The following TENM1 variants were observed in gnomAD, a reference collection of about 807,000 sequenced individuals.
TENM1 encodes teneurin-1.
In TENM1, 35 loss-of-function variants were observed where a neutral mutation model predicts 174.8. The observed-to-expected ratio is 0.20, with a 90% CI of 0.15 to 0.27. TENM1 has a LOEUF of 0.27. TENM1 is among the 10% of genes least tolerant of loss of function. TENM1 has a pLI of 1.00. For synonymous variants in TENM1, 781 were observed against 798.7 expected (o/e 0.98, Z 0.37); for missense variants, 1,633 against 2,130.1 (o/e 0.77, Z 4.59).
chrX:124,614,853 A>C (rs2148314717), intron 11 of TENM1, among the ~76,000 whole-genome samples: 1 of 112,139 alleles, frequency 8.9e-6, no homozygotes, highest in African/African-American at 3.2e-5. Context: ...AATGCACTCC[A>C]CCCTGGGTGA....
At chrX:124,706,972 C>T (rs1045764294) in intron 4 of TENM1, among the ~76,000 whole-genome samples, 1 of 90,773 alleles carries the variant, frequency 1.1e-5, no homozygotes, top group African/African-American at 4.3e-5. Flanking sequence ...TTTTTTGAGA[C>T]GGAGTCTCGC....
At chrX:124,580,291 T>C (rs2049270076) in intron 11 of TENM1, among the ~76,000 whole-genome samples, 1 of 111,179 alleles carries the variant, frequency 9.0e-6, no homozygotes, top group Non-Finnish European at 1.9e-5. Context: ...AAGGAGATCC[T>C]GCCATTTGCT....
At chrX:124,537,354 A>G (rs1408309663) in intron 15 of TENM1, among the ~76,000 whole-genome samples, 1 of 111,363 alleles carries the variant, frequency 9.0e-6, no homozygotes, top group Non-Finnish European at 1.9e-5. Context: ...TCCTTACCTT[A>G]TTTCATTTAA....
intron 11 of TENM1, among the ~76,000 whole-genome samples, chrX:124,585,128 G>A (rs1462607798): frequency 3.6e-5 from 4 of 110,526 alleles, no homozygotes; most frequent in Non-Finnish European, 7.6e-5. Flanking sequence ...ACAGATCAAC[G>A]AGACAGAAAG....
chrX:124,755,456 T>G (rs1282805484), intron 3 of TENM1, among the ~76,000 whole-genome samples: 1 of 111,220 alleles, frequency 9.0e-6, no homozygotes, highest in East Asian at 2.8e-4. Context: ...TGCCAGTCTG[T>G]GTCTTTTAGT....
chrX:124,997,254 G>A, the TENM1 span, among the ~76,000 whole-genome samples: 1 of 111,610 alleles, frequency 9.0e-6, no homozygotes, highest in Non-Finnish European at 1.9e-5. Context: ...CATGTCTATG[G>A]CCCTGAGATA....
At chrX:124,541,759 T>C (rs2048325287) in intron 15 of TENM1, among the ~76,000 whole-genome samples, 2 of 111,955 alleles carry the variant, frequency 1.8e-5, no homozygotes, top group African/African-American at 6.5e-5. Context: ...GTATCATAGA[T>C]TAAAGGTGGC....
chrX:124,433,949 T>C (rs1254600465), intron 23 of TENM1, among the ~76,000 whole-genome samples: 1 of 112,039 alleles, frequency 8.9e-6, no homozygotes, highest in Non-Finnish European at 1.9e-5. Context: ...GTCCATGGTG[T>C]CTTAGAATTT....
the TENM1 span, among the ~76,000 whole-genome samples, chrX:125,064,763 C>T: frequency 6.3e-5 from 7 of 110,393 alleles, no homozygotes; most frequent in South Asian, 3.9e-4. Flanking sequence ...CCCACCACCG[C>T]GCCTGGCTAA....
chrX:124,913,222 A>G (rs772241445), intron 1 of TENM1, among the ~76,000 whole-genome samples: 1 of 111,393 alleles, frequency 9.0e-6, no homozygotes, highest in African/African-American at 3.3e-5. Flanking sequence ...TACAAATATA[A>G]AGAAAAAAAC....
At chrX:124,819,202 C>T (rs1199035732) in intron 3 of TENM1, among the ~76,000 whole-genome samples, 3 of 111,828 alleles carry the variant, frequency 2.7e-5, no homozygotes, top group Admixed American at 9.5e-5. Context: ...TATTGAAATT[C>T]ATCTGAATTT....
At chrX:124,636,656 T>C (rs1299569936) in intron 11 of TENM1, among the ~76,000 whole-genome samples, 1 of 112,061 alleles carries the variant, frequency 8.9e-6, no homozygotes, top group Admixed American at 9.5e-5. Context: ...GAGTAGGGCC[T>C]GAGGGCTGAA....
chrX:125,141,704 G>T, the TENM1 span, among the ~76,000 whole-genome samples: 1 of 111,698 alleles, frequency 9.0e-6, no homozygotes, highest in Non-Finnish European at 1.9e-5. Flanking sequence ...AAGGGGCACA[G>T]ATATAGTGGT....
At chrX:124,402,862 G>T (rs1462707375) in intron 27 of TENM1, among the ~76,000 whole-genome samples, 1 of 109,161 alleles carries the variant, frequency 9.2e-6, no homozygotes, top group Non-Finnish European at 1.9e-5. Flanking sequence ...TATTTTACAG[G>T]TGAAAAAAAA....
intron 11 of TENM1, among the ~76,000 whole-genome samples, chrX:124,565,779 C>G (rs778083065): frequency 9.0e-6 from 1 of 111,390 alleles, no homozygotes; most frequent in South Asian, 3.8e-4. Flanking sequence ...GCTGGGATTA[C>G]AGATGTGAGC....
chrX:124,746,484 T>A (rs2053922284), intron 3 of TENM1, among the ~76,000 whole-genome samples: 1 of 111,975 alleles, frequency 8.9e-6, no homozygotes, highest in African/African-American at 3.2e-5. Flanking sequence ...TTGCTTATGC[T>A]AAGCTATGCA....
chrX:124,786,181 T>A, intron 3 of TENM1, among the ~76,000 whole-genome samples: 2 of 111,626 alleles, frequency 1.8e-5, no homozygotes, highest in African/African-American at 6.5e-5. Context: ...ATATTCTCTA[T>A]CTTAACCATG....
chrX:124,442,917 G>A (rs2060919469), intron 23 of TENM1, among the ~76,000 whole-genome samples: 1 of 110,530 alleles, frequency 9.0e-6, no homozygotes. Flanking sequence ...GCCCACCTCA[G>A]CCTCTGAAAG....
intron 11 of TENM1, among the ~76,000 whole-genome samples, chrX:124,582,772 C>A (rs1164459512): frequency 1.8e-5 from 2 of 112,124 alleles, no homozygotes; most frequent in African/African-American, 6.5e-5. Context: ...AGGGAGTTCC[C>A]TTTCCTAGTC....
Sources: allele counts gnomAD v4.1 joint callset (sites outside exome capture counted in the v4.1 genomes callset), GRCh38; gene constraint gnomAD v4.1.1; transcripts MANE v1.5; gene names NCBI Gene and HGNC (gene_info 2026-07-23, HGNC 2026-07-21).